Variants in SLC1A7 observed in about 807,000 individuals in gnomAD.
SLC1A7 encodes the protein solute carrier family 1 member 7.
SLC1A7 carries 40 observed loss-of-function variants against 47.7 expected under a neutral mutation model. The observed-to-expected ratio is 0.84, with a 90% CI of 0.65 to 1.09. SLC1A7 has a LOEUF of 1.09. Among genes scored for constraint, SLC1A7 ranks in the 50% least tolerant of loss-of-function variants. The pLI is 0.00. For missense variants in SLC1A7, 746 were observed against 769.5 expected, an observed-to-expected ratio of 0.97 and a Z score of 0.36; for synonymous variants, 323 against 325.6, an observed-to-expected ratio of 0.99 and a Z score of 0.09.
chr1:53,124,343 G>A (rs562149777), intron 2 of SLC1A7, among the ~76,000 whole-genome samples: 1 of 151,962 alleles, frequency 6.6e-6, no homozygotes, highest in East Asian at 1.9e-4. Flanking sequence ...TTGCTATGTT[G>A]TGGAGCTCAC....
chr1:53,106,216 G>T (rs907088179), intron 3 of SLC1A7, among the ~76,000 whole-genome samples: 5 of 152,016 alleles, frequency 3.3e-5, no homozygotes, highest in African/African-American at 1.2e-4. Context: ...TTGCAGGTGG[G>T]ACTTGGTTGT....
intron 5 of SLC1A7, among the ~76,000 whole-genome samples, chr1:53,101,459 C>G (rs573482015): frequency 6.6e-6 from 1 of 151,198 alleles, no homozygotes; most frequent in African/African-American, 2.4e-5. Context: ...ACGGTACACT[C>G]ACACCACCTC....
intron 5 of SLC1A7, among the ~76,000 whole-genome samples, chr1:53,096,426 C>T (rs1207576525): frequency 6.8e-6 from 1 of 147,770 alleles, no homozygotes; most frequent in Non-Finnish European, 1.5e-5. Context: ...ACTCACACAC[C>T]CTGCCTCGGT....
chr1:53,092,045 C>A (rs991646256), intron 7 of SLC1A7, among the ~76,000 whole-genome samples: 2 of 152,236 alleles, frequency 1.3e-5, no homozygotes, highest in East Asian at 1.9e-4. Flanking sequence ...GAGTCTCCCC[C>A]AGTCTGTGCA....
intron 2 of SLC1A7, among the ~76,000 whole-genome samples, chr1:53,124,253 CACACA>C (rs1182139788): frequency 2.2e-4 from 1 of 4,614 alleles, no homozygotes; most frequent in Non-Finnish European, 4.3e-3. Flanking sequence ...ATACACAACA[CACACA>C]CACACACACA....
At position 53,089,879 on chromosome 1, in the gene SLC1A7, C is replaced by T. The variant is rs530578463; in HGVS notation, c.1282G>A (p.Val428Ile). The change falls in exon 9 of 11, where the codon GTC becomes ATC. Residue 428 changes from valine (V) to isoleucine (I), a missense_variant. Coordinates refer to ENST00000371494, the MANE Select transcript of SLC1A7 (RefSeq NM_006671.6). ...GAGGTGAGCACGATGACCATGGTGA[C>T]GAGGCCGGCCTGGGGGATGCCAGCT... ...GAAGIPQAGL[V>I]TMVIVLTSVG... is the part of the protein sequence containing the mutation. 30 of 1,613,818 alleles carry T rather than the reference C, an allele frequency of 1.9e-5. No homozygotes were observed. The East Asian group carries it at 2.5e-4, about 13-fold the overall frequency.
At chr1:53,100,598 C>CAG (rs1644563252) in intron 5 of SLC1A7, among the ~76,000 whole-genome samples, 1 of 150,636 alleles carries the variant, frequency 6.6e-6, no homozygotes, top group African/African-American at 2.5e-5. Context: ...AGTACACTCA[C>CAG]ACAACCTGCC....
chr1:53,108,597 G>A (rs995559337), intron 3 of SLC1A7: 7 of 717,924 alleles, frequency 9.8e-6, no homozygotes, highest in Non-Finnish European at 1.8e-5. Flanking sequence ...ATTCAGCCAG[G>A]ACCCTTTGGT....
Position 53,103,395 on chromosome 1 carries a change from G to C in SLC1A7, c.648C>G (p.Thr216=). The C allele has an allele frequency of 6.2e-7, 1 of 1,610,806 alleles. No homozygotes were observed. Among genetic ancestry groups the C allele is most frequent in the Non-Finnish European group, 8.5e-7 (1 of 1,178,998 alleles). The change falls in exon 5 of 11, where the codon ACC becomes ACG. Residue 216 remains threonine (T), a synonymous_variant. Transcript: ENST00000371494. ...PEVVYKSEPG[T]SDGMNVLGIV... Reference sequence around the variant, plus strand: ...TGCCCAGCACATTCATGCCATCGCTGGTGCCCGGCTCTGACTTGTAAACGA... The same window carrying C: ...TGCCCAGCACATTCATGCCATCGCTCGTGCCCGGCTCTGACTTGTAAACGA...
In SLC1A7 at chr1:53,137,287, C is replaced by CAAAAAAAAAAAAAAAAAAAAAAAAAAAA. The variant is rs60113708; in HGVS notation, c.136-2859_136-2858insTTTTTTTTTTTTTTTTTTTTTTTTTTTT. On this transcript the variant is annotated intron_variant, in intron 1 of 10. Coordinates refer to ENST00000371494, the MANE Select transcript of SLC1A7 (RefSeq NM_006671.6). Reference sequence around the variant, plus strand: ...GGGCAACAGAGGGAGACGCTATCTCCAAAAAAAAAAAAGTGCTCTACTGAT... The same window carrying CAAAAAAAAAAAAAAAAAAAAAAAAAAAA: ...GGGCAACAGAGGGAGACGCTATCTCCAAAAAAAAAAAAAAAAAAAAAAAAAAAAAAAAAAAAAAAAGTGCTCTACTGAT... Among the ~76,000 whole-genome samples, 45 of 100,734 alleles carry CAAAAAAAAAAAAAAAAAAAAAAAAAAAA rather than the reference C, an allele frequency of 4.5e-4. 1 individual carries two copies. The highest frequency in any genetic ancestry group is 1.7e-3 in the African/African-American group (44 of 25,726). The allele number at this position is 100,734 out of a possible 152,430, so 66.1% of individuals were successfully genotyped here.
At position 53,105,744 on chromosome 1, in the gene SLC1A7, GGCT is replaced by G; in HGVS notation, c.459_461del (p.Glu153_Ala154delinsAsp). 3.1e-6 allele frequency: 5 copies of G among 1,613,120 alleles called. No homozygotes were observed. The highest frequency in any genetic ancestry group is 4.2e-6 in the Non-Finnish European group (5 of 1,179,308). On this transcript the variant is annotated inframe_deletion, in exon 4 of 11. Coordinates refer to ENST00000371494, the MANE Select transcript of SLC1A7 (RefSeq NM_006671.6). ...GAGACTCACTCACCTGTTTGAATGTGGCTTCTACTAGGTTGGCTGGGAACATGT... is the reference window on the plus strand; with the variant it reads ...GAGACTCACTCACCTGTTTGAATGTGTCTACTAGGTTGGCTGGGAACATGT...
chr1:53,133,750 G>T (rs1644963730), intron 2 of SLC1A7, among the ~76,000 whole-genome samples: 1 of 152,126 alleles, frequency 6.6e-6, no homozygotes, highest in Admixed American at 6.5e-5. Flanking sequence ...TCTTCAGCCT[G>T]GTGTTCAAGG....
chr1:53,096,304 G>A (rs1449765708), intron 5 of SLC1A7, among the ~76,000 whole-genome samples: 2 of 130,710 alleles, frequency 1.5e-5, no homozygotes, highest in Admixed American at 7.8e-5. Context: ...ACACTGTCTC[G>A]GTAAACTCAC....
chr1:53,088,893 C>A lies in SLC1A7; in HGVS notation c.1448G>T (p.Arg483Leu). 1 of 1,613,862 alleles carries A rather than the reference C, an allele frequency of 6.2e-7. No individual in the cohort carries two copies. Among genetic ancestry groups the A allele is most frequent in the Non-Finnish European group, 8.5e-7 (1 of 1,179,858 alleles). Residue 483 changes from arginine to leucine, a missense_variant, in exon 10 of 11, where the codon CGG becomes CTG. Arg to Leu is a moderately radical substitution (Grantham distance 102). Coordinates refer to ENST00000371494, the MANE Select transcript of SLC1A7 (RefSeq NM_006671.6). ...MAHICRKDFA[R>L]DTGTEKLLPC... ...TGCTCTCACCTCGGTGCCTGTGTCC[C>A]GGGCAAAATCCTTCCGACATATATG...
intron 5 of SLC1A7, 145 bp downstream of exon 5, chr1:53,103,201 A>G (rs1054591504): frequency 1.4e-5 from 9 of 633,634 alleles, no homozygotes; most frequent in African/African-American, 1.1e-4. Context: ...ATTTAAATAA[A>G]CAGGTGTGGT....
rs1322931121 is a variant in SLC1A7, at chr1:53,089,826, G to A, written c.1335C>T (p.Thr445=). The change falls in exon 9 of 11, where the codon ACC becomes ACT. Residue 445 remains threonine (T), a synonymous_variant. Coordinates refer to ENST00000371494, the MANE Select transcript of SLC1A7 (RefSeq NM_006671.6). ...TSVGLPTDDI[T]LIIAVDWALD... ...GAGCCCAGTCAACGGCAATGATGAG[G>A]GTGATGTCATCGGTGGGCAGTCCCA... 10 of 1,613,896 alleles carry A rather than the reference G, an allele frequency of 6.2e-6. No individual in the cohort carries two copies. The highest frequency in any genetic ancestry group is 1.7e-5 in the Admixed American group (1 of 60,004).
intron 3 of SLC1A7, among the ~76,000 whole-genome samples, chr1:53,106,717 T>C (rs902566802): frequency 1.3e-5 from 2 of 152,298 alleles, no homozygotes; most frequent in Admixed American, 6.5e-5. Flanking sequence ...TCGTACTTGA[T>C]AAAAGTTGTT....
chr1:53,131,949 G>A (rs1644945576), intron 2 of SLC1A7, among the ~76,000 whole-genome samples: 1 of 152,130 alleles, frequency 6.6e-6, no homozygotes, highest in African/African-American at 2.4e-5. Context: ...AGAAGATGAT[G>A]TGCAAGTTGA....
At chr1:53,101,090 TCACA>T (rs1404475884) in intron 5 of SLC1A7, among the ~76,000 whole-genome samples, 5 of 149,288 alleles carry the variant, frequency 3.3e-5, no homozygotes, top group African/African-American at 1.2e-4. Flanking sequence ...CTTGGTACAC[TCACA>T]CACACCACCT....
Sources: gnomAD v4.1 joint callset for allele counts (sites outside exome capture counted in the v4.1 genomes callset) on GRCh38, gnomAD v4.1.1 for gene constraint, MANE v1.5 for transcripts, NCBI Gene and HGNC (gene_info 2026-07-23, HGNC 2026-07-21) for gene names.